The following RHBDD1 variants were observed in gnomAD, a reference collection of about 807,000 sequenced individuals.
RHBDD1 encodes the protein rhomboid domain containing 1, also known as rhomboid-related protein 4.
In RHBDD1, 38 loss-of-function variants were observed where a neutral mutation model predicts 36.3. The observed-to-expected ratio is 1.05, with a 90% CI of 0.81 to 1.37. The LOEUF is 1.37. RHBDD1 is among the 40% of genes most tolerant of loss of function. RHBDD1 has a pLI of 0.00. For synonymous variants in RHBDD1, 151 were observed against 136.5 expected (o/e 1.11, Z -0.74); for missense variants, 393 against 377.6 (o/e 1.04, Z -0.34).
intron 8 of RHBDD1, among the ~76,000 whole-genome samples, chr2:226,948,447 T>G: frequency 6.8e-6 from 1 of 147,322 alleles, no homozygotes; most frequent in Non-Finnish European, 1.5e-5. Flanking sequence ...GGGATAGCAT[T>G]GGGAGACATA....
At chr2:226,958,702 CTG>C (rs10666758) in intron 8 of RHBDD1, among the ~76,000 whole-genome samples, 10,967 of 138,760 alleles carry the variant, frequency 0.079, 541 homozygotes, top group African/African-American at 0.16. Context: ...AAGGATTTTT[CTG>C]TGTGTGTGTG....
chr2:226,948,601 T>TA (rs60725545), intron 8 of RHBDD1, among the ~76,000 whole-genome samples: 66,884 of 122,566 alleles, frequency 0.55, 17,384 homozygotes, highest in African/African-American at 0.71. Context: ...AAAATAAAAA[T>TA]AAAAAAAAAT....
At chr2:226,849,195 C>T (rs1168223959) in intron 3 of RHBDD1, among the ~76,000 whole-genome samples, 1 of 152,216 alleles carries the variant, frequency 6.6e-6, no homozygotes, top group African/African-American at 2.4e-5. Context: ...GTGACGTGGG[C>T]AGGGCCACAT....
chr2:226,816,308 A>G, the RHBDD1 span, among the ~76,000 whole-genome samples: 4,960 of 151,294 alleles, frequency 0.033, 262 homozygotes, highest in African/African-American at 0.11. Flanking sequence ...CAGAAACCCA[A>G]TAGCACATTT....
the RHBDD1 span, among the ~76,000 whole-genome samples, chr2:226,828,878 T>G: frequency 6.6e-6 from 1 of 152,176 alleles, no homozygotes; most frequent in Non-Finnish European, 1.5e-5. Context: ...TGATGTCTTT[T>G]AAGTATATTT....
chr2:226,834,681 A>C (rs193120962), upstream of RHBDD1, among the ~76,000 whole-genome samples: 65 of 152,372 alleles, frequency 4.3e-4, no homozygotes, highest in African/African-American at 1.5e-3. Flanking sequence ...AACTTCCAAT[A>C]AACAAAGAGT....
intron 5 of RHBDD1, among the ~76,000 whole-genome samples, chr2:226,878,173 T>TGGGAGCTTCCAA (rs1271496211): frequency 6.6e-6 from 1 of 152,154 alleles, no homozygotes; most frequent in Non-Finnish European, 1.5e-5. Flanking sequence ...ATTTGCAACC[T>TGGGAGCTTCCAA]GGGAGCTTCC....
At chr2:226,906,968 G>T (rs1948106898) in intron 6 of RHBDD1, 87 bp downstream of exon 6, 1 of 1,393,772 alleles carries the variant, frequency 7.2e-7, no homozygotes. Flanking sequence ...AAGTTTCCCT[G>T]TGGTTCAGCT....
At chr2:226,921,381 T>C (rs1299495513) in intron 8 of RHBDD1, among the ~76,000 whole-genome samples, 2 of 152,112 alleles carry the variant, frequency 1.3e-5, no homozygotes, top group African/African-American at 4.8e-5. Context: ...TACTATTTTT[T>C]CGTTTTGTTA....
intron 5 of RHBDD1, among the ~76,000 whole-genome samples, chr2:226,879,803 G>A (rs929500036): frequency 2.0e-5 from 3 of 152,132 alleles, no homozygotes; most frequent in Non-Finnish European, 4.4e-5. Flanking sequence ...ATTCTTAGAA[G>A]AGAAACCTCC....
intron 8 of RHBDD1, among the ~76,000 whole-genome samples, chr2:226,994,874 T>C (rs1467254042): frequency 2.0e-5 from 3 of 152,212 alleles, no homozygotes; most frequent in Non-Finnish European, 4.4e-5. Flanking sequence ...TGAAATATGA[T>C]GCCTACATCT....
At chr2:226,845,461 T>C (rs1942116755) in intron 3 of RHBDD1, among the ~76,000 whole-genome samples, 1 of 152,240 alleles carries the variant, frequency 6.6e-6, no homozygotes, top group South Asian at 2.1e-4. Context: ...CCAAGGACCA[T>C]GCCCTTAACT....
In RHBDD1 at chr2:226,926,588, C is replaced by T. The variant is rs145690209; in HGVS notation, c.856+12237C>T. Among the ~76,000 whole-genome samples, 18 of 152,252 alleles carry T rather than the reference C, an allele frequency of 1.2e-4. No individual in the cohort carries two copies. The East Asian group carries it at 3.5e-3, about 29-fold the overall frequency. On this transcript the variant is annotated intron_variant, in intron 8 of 8. Transcript: ENST00000392062. ...GACTTGATTAATTGGATTTGGGTTA[C>T]ACATTTTTAGCAAGAAAATGTCATA... is the stretch of plus-strand genomic sequence containing the variant.
the RHBDD1 span, among the ~76,000 whole-genome samples, chr2:226,802,072 A>G: frequency 2.7e-5 from 4 of 146,296 alleles, no homozygotes; most frequent in South Asian, 2.4e-4. Flanking sequence ...TCTATGGGGG[A>G]AAAATACTCT....
At chr2:226,848,642 C>G (rs1357598539) in intron 3 of RHBDD1, among the ~76,000 whole-genome samples, 2 of 152,292 alleles carry the variant, frequency 1.3e-5, no homozygotes, top group East Asian at 3.9e-4. Flanking sequence ...TTACCAGAAG[C>G]CACTAAAGAC....
chr2:226,827,937 T>A, the RHBDD1 span, among the ~76,000 whole-genome samples: 1 of 152,232 alleles, frequency 6.6e-6, no homozygotes, highest in Non-Finnish European at 1.5e-5. Context: ...AGACTGGTTA[T>A]CTTCTTTAAA....
intron 5 of RHBDD1, among the ~76,000 whole-genome samples, chr2:226,905,952 GAAC>G (rs1948019819): frequency 1.3e-5 from 2 of 152,048 alleles, no homozygotes; most frequent in African/African-American, 2.4e-5. Context: ...AGTGCTTAAA[GAAC>G]AACTCGTTGT....
At chr2:226,966,572 T>TA (rs1952647358) in intron 8 of RHBDD1, among the ~76,000 whole-genome samples, 1 of 152,232 alleles carries the variant, frequency 6.6e-6, no homozygotes, top group African/African-American at 2.4e-5. Flanking sequence ...CAGCTATGCA[T>TA]AATTTTAATT....
Position 226,865,022 on chromosome 2 carries a change from C to G in RHBDD1, c.329C>G (p.Ala110Gly). ...AGATGGTTTGCCTATGTTATCACCG[C>G]ATTTTCTGTACTTACTGGAGTGGTA... ...GSRWFAYVIT[A>G]FSVLTGVVYL... The change falls in exon 4 of 9, where the codon GCA (alanine) becomes GGA (glycine). Residue 110 changes from alanine to glycine, a missense_variant. Coordinates refer to ENST00000392062, the MANE Select transcript of RHBDD1 (RefSeq NM_001167608.3). The G allele has an allele frequency of 6.2e-7, 1 of 1,614,190 alleles. No individual in the cohort carries two copies.
Sources: gnomAD v4.1 joint callset for allele counts (sites outside exome capture counted in the v4.1 genomes callset) on GRCh38, gnomAD v4.1.1 for gene constraint, MANE v1.5 for transcripts, NCBI Gene and HGNC (gene_info 2026-07-23, HGNC 2026-07-21) for gene names.